Variants in TFCP2 observed in about 807,000 individuals in gnomAD.
TFCP2 encodes the protein alpha-globin transcription factor CP2.
In TFCP2, 33 loss-of-function variants were observed where a neutral mutation model predicts 73.4. The ratio of observed to expected loss-of-function variants is 0.45; its 90% CI spans 0.34 to 0.60. TFCP2 has a LOEUF of 0.60. Among genes scored for constraint, TFCP2 ranks in the 20% least tolerant of loss-of-function variants. The probability of loss-of-function intolerance (pLI) is 0.01; values close to 1 mark genes in which losing one functional copy is unlikely to be tolerated. For missense variants in TFCP2, 352 were observed against 604.0 expected, an observed-to-expected ratio of 0.58 and a Z score of 4.37; for synonymous variants, 193 against 211.6, an observed-to-expected ratio of 0.91 and a Z score of 0.76.
Position 51,149,024 on chromosome 12 carries a change from C to CAAAAAAAAAAAAAAAAAAAAAAAAA in TFCP2, c.122+23276_122+23277insTTTTTTTTTTTTTTTTTTTTTTTTT, listed in dbSNP as rs60318954. On this transcript the variant is annotated intron_variant, in intron 1 of 14. Transcript: ENST00000257915. ...TGAGCAACAGAGCAAGACTCCATCTCAAAAAAAAAAAAAAAAACAGAAAGA... is the reference window on the plus strand; with the variant it reads ...TGAGCAACAGAGCAAGACTCCATCTCAAAAAAAAAAAAAAAAAAAAAAAAAAAAAAAAAAAAAAAAAACAGAAAGA... Among the ~76,000 whole-genome samples, 10 of 38,000 alleles carry CAAAAAAAAAAAAAAAAAAAAAAAAA rather than the reference C, an allele frequency of 2.6e-4. 1 individual carries two copies. The highest frequency in any genetic ancestry group is 8.1e-4 in the East Asian group (1 of 1,240). The allele number at this position is 38,000 out of a possible 152,430, so 24.9% of individuals were successfully genotyped here.
At chr12:51,096,607 T>C (rs1939970950) in intron 13 of TFCP2, among the ~76,000 whole-genome samples, 1 of 152,228 alleles carries the variant, frequency 6.6e-6, no homozygotes, top group South Asian at 2.1e-4. Context: ...AACTCTTTCC[T>C]TTCACCAGAA....
In TFCP2 at chr12:51,100,057, T is replaced by G. The variant is rs138512736; in HGVS notation, c.1152-278A>C. 2.3e-3 allele frequency among the ~76,000 whole-genome samples: 351 copies of G among 152,296 alleles called. 1 individual carries two copies. Among genetic ancestry groups the G allele is most frequent in the African/African-American group, 8.0e-3 (331 of 41,558 alleles). ...ATCTAGCAATCTTAGGCCTGCATTC[T>G]CACATGAAAACAATCAGCCGTTCTT... On this transcript the variant is annotated intron_variant, in intron 11 of 14. Coordinates refer to ENST00000257915, the MANE Select transcript of TFCP2 (RefSeq NM_005653.5).
chr12:51,095,300 G>A (rs768551272), intron 14 of TFCP2, 22 bp from the exon 15 acceptor site: 24 of 1,612,310 alleles, frequency 1.5e-5, no homozygotes, highest in African/African-American at 2.7e-5. Context: ...AAGAGAGAGA[G>A]AGAATCATCT....
intron 1 of TFCP2, among the ~76,000 whole-genome samples, chr12:51,141,905 CA>C (rs34943578): frequency 0.02 from 1,295 of 63,500 alleles, 8 homozygotes; most frequent in Non-Finnish European, 0.026. Context: ...GACTCTGTCT[CA>C]AAAAAAAAAA....
chr12:51,164,220 C>CA lies in TFCP2; in HGVS notation c.122+8080dup, dbSNP rs1418406944. On this transcript the variant is annotated intron_variant, in intron 1 of 14. Coordinates refer to ENST00000257915, the MANE Select transcript of TFCP2 (RefSeq NM_005653.5). ...GCCCCATTTCTCAAAAACAAACAAA[C>CA]AACAACAACCACAAAAACCAAGAAG... Among the ~76,000 whole-genome samples, 10 of 151,884 alleles carry CA rather than the reference C, an allele frequency of 6.6e-5. No homozygotes were observed. In the East Asian group the frequency reaches 1.9e-3, roughly 29 times the overall value.
chr12:51,108,009 G>A (rs1592793178), intron 6 of TFCP2, among the ~76,000 whole-genome samples: 1 of 151,612 alleles, frequency 6.6e-6, no homozygotes, highest in South Asian at 2.1e-4. Flanking sequence ...GAAGAGCTGG[G>A]CGCAGTGGCT....
chr12:51,172,230 C>T, intron 1 of TFCP2, 71 bp downstream of exon 1: 1 of 1,589,080 alleles, frequency 6.3e-7, no homozygotes, highest in South Asian at 1.1e-5. Context: ...CCTTCCCACT[C>T]AACCCCTTTT....
intron 1 of TFCP2, among the ~76,000 whole-genome samples, chr12:51,164,072 G>A (rs2137047282): frequency 6.6e-6 from 1 of 151,910 alleles, no homozygotes; most frequent in South Asian, 2.1e-4. Context: ...GTTTGGTGAT[G>A]CATGCCTGTA....
chr12:51,149,581 T>C (rs996363577), intron 1 of TFCP2, among the ~76,000 whole-genome samples: 1 of 152,114 alleles, frequency 6.6e-6, no homozygotes. Flanking sequence ...GATTACGTGT[T>C]AGATAAATTT....
In TFCP2 at chr12:51,118,732, T is replaced by C. The variant is rs1293152061; in HGVS notation, c.163A>G (p.Ser55Gly). 18 of 1,614,010 alleles carry C rather than the reference T, an allele frequency of 1.1e-5. No homozygotes were observed. The highest frequency in any genetic ancestry group is 1.5e-5 in the Non-Finnish European group (18 of 1,180,052). ...ALPIFKQEES[S>G]LPPDNENKIL... ...TTATTCTCATTATCAGGAGGCAAAC[T>C]CGACTCTTCTTGCTTAAAAATGGGC... is the stretch of plus-strand genomic sequence containing the variant. Residue 55 changes from serine (S) to glycine (G), a missense_variant, in exon 2 of 15, where the codon AGT becomes GGT. Physicochemically the swap from Ser to Gly is moderately conservative, Grantham distance 56. Coordinates refer to ENST00000257915, the MANE Select transcript of TFCP2 (RefSeq NM_005653.5).
At chr12:51,141,158 C>T (rs1426620484) in intron 1 of TFCP2, among the ~76,000 whole-genome samples, 2 of 149,728 alleles carry the variant, frequency 1.3e-5, no homozygotes, top group South Asian at 4.2e-4. Context: ...TCTTGAATTT[C>T]TGGGTCTAAG....
At chr12:51,133,847 G>A (rs1437682228) in intron 1 of TFCP2, among the ~76,000 whole-genome samples, 2 of 151,636 alleles carry the variant, frequency 1.3e-5, no homozygotes, top group East Asian at 1.9e-4. Flanking sequence ...ACTTGAACTC[G>A]GGAGGTGGAG....
At chr12:51,123,295 C>T (rs1196127365) in intron 1 of TFCP2, among the ~76,000 whole-genome samples, 1 of 152,228 alleles carries the variant, frequency 6.6e-6, no homozygotes, top group Non-Finnish European at 1.5e-5. Context: ...ATTCTTGCTA[C>T]ACCGCATTTC....
intron 12 of TFCP2, 52 bp from the exon 13 acceptor site, chr12:51,098,970 C>G: frequency 6.3e-7 from 1 of 1,588,952 alleles, no homozygotes. Flanking sequence ...TCCACTCTTA[C>G]AGGTAACTTG....
At chr12:51,133,639 A>G (rs937105270) in intron 1 of TFCP2, among the ~76,000 whole-genome samples, 1 of 150,350 alleles carries the variant, frequency 6.7e-6, no homozygotes, top group African/African-American at 2.4e-5. Context: ...GTAAAGAAAC[A>G]GTGTTGGCTG....
intron 1 of TFCP2, 128 bp downstream of exon 1, chr12:51,172,173 G>C (rs553623817): frequency 7.6e-7 from 1 of 1,322,704 alleles, no homozygotes; most frequent in African/African-American, 1.5e-5. Context: ...AAAAGAACAA[G>C]TCCCTTTTCC....
chr12:51,115,142 G>A (rs1940500611), intron 4 of TFCP2, among the ~76,000 whole-genome samples: 3 of 111,576 alleles, frequency 2.7e-5, no homozygotes, highest in Admixed American at 1.1e-4. Flanking sequence ...TTTTTTTTGA[G>A]AGAGTCTCGC....
rs557808992 is a variant in TFCP2, at chr12:51,166,050, C to T, written c.122+6251G>A. ...AAGAAGTTGGCCAGGCATGGTGGCT[C>T]ACATCTGTAATCCCAGCACTTTGGG... On this transcript the variant is annotated intron_variant, in intron 1 of 14. Transcript: ENST00000257915. Among the ~76,000 whole-genome samples, 5 of 150,308 alleles carry T rather than the reference C, an allele frequency of 3.3e-5. No individual in the cohort carries two copies. The East Asian group carries it at 9.9e-4, about 30-fold the overall frequency.
At chr12:51,130,639 C>A (rs1940920623) in intron 1 of TFCP2, among the ~76,000 whole-genome samples, 1 of 152,114 alleles carries the variant, frequency 6.6e-6, no homozygotes, top group South Asian at 2.1e-4. Flanking sequence ...CAAATGATAA[C>A]TATAAAAGCC....
Sources: allele counts gnomAD v4.1 joint callset (sites outside exome capture counted in the v4.1 genomes callset), GRCh38; gene constraint gnomAD v4.1.1; transcripts MANE v1.5; gene names NCBI Gene and HGNC (gene_info 2026-07-23, HGNC 2026-07-21).